The following GID4 variants were observed in gnomAD, a reference collection of about 807,000 sequenced individuals.
GID4 encodes GID complex subunit 4 homolog.
GID4 carries 7 observed loss-of-function variants against 32.4 expected under a neutral mutation model. The ratio of observed to expected loss-of-function variants is 0.22; its 90% CI spans 0.12 to 0.41. The LOEUF is 0.41. Ranked by LOEUF, GID4 falls within the 10% of genes least tolerant of loss-of-function variation. The pLI, the probability that GID4 is intolerant of heterozygous loss-of-function variation, is 1.00. For missense variants in GID4, 309 were observed against 400.0 expected (o/e 0.77, Z 1.94); for synonymous variants, 166 against 170.0 (o/e 0.98, Z 0.18).
At chr17:18,056,263 A>T (rs1229682453) in intron 3 of GID4, among the ~76,000 whole-genome samples, 1 of 152,248 alleles carries the variant, frequency 6.6e-6, no homozygotes, top group East Asian at 1.9e-4. Context: ...AATTCTATAC[A>T]TTTTGATTGT....
chr17:18,063,336 G>A (rs900182381), intron 5 of GID4, among the ~76,000 whole-genome samples: 6 of 151,886 alleles, frequency 4.0e-5, no homozygotes, highest in Admixed American at 1.3e-4. Context: ...CTTGAACCTC[G>A]GAGGCGGAGG....
intron 2 of GID4, among the ~76,000 whole-genome samples, chr17:18,047,952 G>T (rs920123993): frequency 6.6e-6 from 1 of 151,572 alleles, no homozygotes; most frequent in African/African-American, 2.4e-5. Context: ...CCAGGCTGGA[G>T]TGCAGTGGTG....
chr17:18,065,687 C>T lies in GID4; in HGVS notation c.*444C>T, dbSNP rs926245233. The T allele has an allele frequency of 8.8e-6, 2 of 228,490 alleles. No individual in the cohort carries two copies. The highest frequency in any genetic ancestry group is 4.6e-5 in the African/African-American group (2 of 43,102). The allele number at this position is 228,490 out of a possible 1,614,324, so 14.2% of individuals were successfully genotyped here. On this transcript the variant is annotated 3_prime_UTR_variant, in exon 6 of 6. Transcript: ENST00000268719. The stretch of plus-strand genomic sequence containing the variant: ...TCTGGTAGCTCAAGAGAAGGCAGAG[C>T]CCCAGCACCTCTGTGCCCCCCAGAG...
chr17:18,047,880 C>T (rs1211890069), intron 2 of GID4, among the ~76,000 whole-genome samples: 1 of 151,944 alleles, frequency 6.6e-6, no homozygotes, highest in African/African-American at 2.4e-5. Context: ...AGTGTATTCA[C>T]AAAGTTGTGC....
intron 5 of GID4, among the ~76,000 whole-genome samples, chr17:18,063,194 G>A (rs1313585092): frequency 3.2e-5 from 4 of 126,814 alleles, no homozygotes; most frequent in South Asian, 2.2e-4. Flanking sequence ...GGCAGATCAC[G>A]AGGTCAGGAG....
rs138201769 is a variant in GID4 at position 18,057,859 on chromosome 17, A to G, written c.607-1009A>G. 1.3e-4 allele frequency among the ~76,000 whole-genome samples: 20 copies of G among 151,360 alleles called. 1 individual carries two copies. In the East Asian group the frequency reaches 3.7e-3, roughly 28 times the overall value. On this transcript the variant is annotated intron_variant, in intron 3 of 5. Transcript: ENST00000268719. ...TATAGATTTTTTTTTTTTGAGACAG[A>G]GTCTCGCTCTGTTGCCCATGCTGGA...
At chr17:18,046,614 C>G (rs2044854845) in intron 2 of GID4, among the ~76,000 whole-genome samples, 2 of 149,238 alleles carry the variant, frequency 1.3e-5, no homozygotes, top group African/African-American at 4.9e-5. Context: ...GGAAGATCCT[C>G]TCTCTTTAAA....
chr17:18,042,010 A>G (rs2044808111), intron 1 of GID4, among the ~76,000 whole-genome samples: 1 of 152,200 alleles, frequency 6.6e-6, no homozygotes, highest in Non-Finnish European at 1.5e-5. Flanking sequence ...CTGCTTGGTC[A>G]TCATCACGAC....
intron 3 of GID4, chr17:18,056,943 G>A (rs910692519): frequency 3.2e-6 from 5 of 1,550,486 alleles, no homozygotes; most frequent in African/African-American, 2.7e-5. Context: ...GACTCCTGGA[G>A]CTCTGTACTG....
rs1225837408 is a variant in GID4, at chr17:18,058,893, A to G, written c.632A>G (p.Tyr211Cys). ...HWGKFLAFYQ[Y>C]AKSFNSDDFD... is the part of the protein sequence containing the mutation. ...GGCAAGTTTCTGGCTTTTTATCAGT[A>G]TGCAAAATCATTTAACTCAGATGAC... The change falls in exon 4 of 6, where the codon TAT (tyrosine) becomes TGT (cysteine). Residue 211 changes from tyrosine (Y) to cysteine (C), a missense_variant. Coordinates refer to ENST00000268719, the MANE Select transcript of GID4 (RefSeq NM_024052.5). 1.9e-6 allele frequency: 3 copies of G among 1,612,314 alleles called. No homozygotes were observed. Among genetic ancestry groups the G allele is most frequent in the Non-Finnish European group, 2.5e-6 (3 of 1,178,578 alleles).
Position 18,056,259 on chromosome 17 carries a change from A to G in GID4, c.606+2025A>G, listed in dbSNP as rs532753178. On this transcript the variant is annotated intron_variant, in intron 3 of 5. Transcript: ENST00000268719. ...CTTTTTAAAGCGTTTTTTGAATTCT[A>G]TACATTTTGATTGTTGTAGCAAATG... 9.7e-4 allele frequency among the ~76,000 whole-genome samples: 148 copies of G among 152,348 alleles called. 2 individuals are homozygous for G. Among genetic ancestry groups the G allele is most frequent in the Non-Finnish European group, 1.4e-3 (98 of 68,032 alleles).
chr17:18,043,310 G>A (rs1394078219), intron 1 of GID4, among the ~76,000 whole-genome samples: 1 of 152,164 alleles, frequency 6.6e-6, no homozygotes, highest in Non-Finnish European at 1.5e-5. Context: ...TCTGATTCTT[G>A]AGCATGTGAT....
At chr17:18,046,408 C>T (rs1230198915) in intron 2 of GID4, among the ~76,000 whole-genome samples, 1 of 152,076 alleles carries the variant, frequency 6.6e-6, no homozygotes, top group Non-Finnish European at 1.5e-5. Context: ...AATTCAAGAC[C>T]AGCCTGGACA....
intron 2 of GID4, among the ~76,000 whole-genome samples, 161 bp from the exon 3 acceptor site, chr17:18,053,966 A>T (rs2044939652): frequency 6.6e-6 from 1 of 152,204 alleles, no homozygotes; most frequent in East Asian, 1.9e-4. Context: ...CCATTGCCAC[A>T]GCCTGTTGGC....
At position 18,047,662 on chromosome 17, in the gene GID4, G is replaced by A. The variant is rs1006486947; in HGVS notation, c.498+2456G>A. The stretch of plus-strand genomic sequence containing the variant: ...TCTGCAGATGGCGTGGCCTCGATGA[G>A]CACATACCCTCCCCAGAGTTGCCTG... On this transcript the variant is annotated intron_variant, in intron 2 of 5. Transcript: ENST00000268719. Among the ~76,000 whole-genome samples the A allele has an allele frequency of 2.6e-5, 4 of 152,306 alleles. No homozygotes were observed. The South Asian group carries it at 8.3e-4, about 32-fold the overall frequency.
rs1291538507 is a variant in GID4, at chr17:18,066,908, G to A, written c.*1665G>A. 6.6e-6 allele frequency: 1 copy of A among 152,164 alleles called. No individual in the cohort carries two copies. The highest frequency in any genetic ancestry group is 2.4e-5 in the African/African-American group (1 of 41,432). The allele number at this position is 152,164 out of a possible 1,614,324, so 9.4% of individuals were successfully genotyped here. On this transcript the variant is annotated 3_prime_UTR_variant, in exon 6 of 6. Coordinates refer to ENST00000268719, the MANE Select transcript of GID4 (RefSeq NM_024052.5). ...GTTATCCCAGGACTGTGTACAGAGG[G>A]GCAACCTACCCATTCAGGAAGGTCA...
intron 4 of GID4, among the ~76,000 whole-genome samples, chr17:18,060,553 T>G (rs1451667420): frequency 6.6e-6 from 1 of 152,076 alleles, no homozygotes; most frequent in Non-Finnish European, 1.5e-5. Context: ...AGTTTATTGT[T>G]TGAATTTTGT....
chr17:18,040,641 C>T (rs2044788334), intron 1 of GID4, among the ~76,000 whole-genome samples: 1 of 152,238 alleles, frequency 6.6e-6, no homozygotes, highest in South Asian at 2.1e-4. Flanking sequence ...CCCCAGGCCT[C>T]CTGCCCCTGC....
intron 1 of GID4, among the ~76,000 whole-genome samples, chr17:18,041,593 A>C (rs1180209687): frequency 6.6e-6 from 1 of 152,182 alleles, no homozygotes; most frequent in Admixed American, 6.5e-5. Context: ...GTATGAAGGT[A>C]CAGGGGTTTT....
Sources: gnomAD v4.1 joint callset for allele counts (sites outside exome capture counted in the v4.1 genomes callset) on GRCh38, gnomAD v4.1.1 for gene constraint, MANE v1.5 for transcripts, NCBI Gene and HGNC (gene_info 2026-07-23, HGNC 2026-07-21) for gene names.